Variants in AK9 observed in about 807,000 individuals in gnomAD.
The protein encoded by AK9 is adenylate kinase 9.
In AK9, 191 loss-of-function variants were observed where a neutral mutation model predicts 239.6. The observed-to-expected ratio is 0.80, with a 90% CI of 0.71 to 0.90. The LOEUF (loss-of-function observed/expected upper bound fraction) is 0.90, where lower values mean the gene tolerates loss of function less well. AK9 is among the 40% of genes least tolerant of loss of function. AK9 has a pLI of 0.00. For missense variants in AK9, 1,995 were observed against 2,214.7 expected, an observed-to-expected ratio of 0.90 and a Z score of 1.99; for synonymous variants, 689 against 721.0, an observed-to-expected ratio of 0.96 and a Z score of 0.71.
At chr6:109,633,138 G>C in intron 11 of AK9, 35 bp from the exon 12 acceptor site, 1 of 1,561,946 alleles carries the variant, frequency 6.4e-7, no homozygotes, top group Non-Finnish European at 8.6e-7. Context: ...CAACTGAAAA[G>C]ATGTATGAGG....
chr6:109,607,508 T>C (rs990037244), intron 17 of AK9, among the ~76,000 whole-genome samples: 1 of 152,160 alleles, frequency 6.6e-6, no homozygotes, highest in Non-Finnish European at 1.5e-5. Flanking sequence ...CTAAAAATGA[T>C]TTAAAGTATA....
At chr6:109,656,943 G>A in intron 7 of AK9, 59 bp from the exon 8 acceptor site, 1 of 1,582,606 alleles carries the variant, frequency 6.3e-7, no homozygotes, top group Non-Finnish European at 8.6e-7. Context: ...CAATTTACAA[G>A]CCATATTCCC....
At chr6:109,599,202 T>C (rs1463900624) in intron 17 of AK9, among the ~76,000 whole-genome samples, 5 of 152,214 alleles carry the variant, frequency 3.3e-5, no homozygotes, top group Non-Finnish European at 7.3e-5. Flanking sequence ...GTTTTTATGG[T>C]TTTAGGTCTA....
chr6:109,567,730 T>C (rs1395345554), intron 21 of AK9, among the ~76,000 whole-genome samples: 6 of 97,966 alleles, frequency 6.1e-5, no homozygotes, highest in East Asian at 3.4e-4. Flanking sequence ...CTGGGGCCTG[T>C]TGTGGGGTGG....
intron 13 of AK9, among the ~76,000 whole-genome samples, chr6:109,615,873 T>C (rs1201849485): frequency 6.6e-6 from 1 of 152,020 alleles, no homozygotes; most frequent in African/African-American, 2.4e-5. Flanking sequence ...CGCTCAACTA[T>C]AAACCAGTCA....
In AK9 at chr6:109,509,377, G is replaced by A. The variant is rs1385696916; in HGVS notation, c.4283C>T (p.Ala1428Val). The A allele has an allele frequency of 1.4e-5, 22 of 1,547,804 alleles. No homozygotes were observed. The highest frequency in any genetic ancestry group is 1.8e-5 in the Non-Finnish European group (21 of 1,145,894). ...CCCATATTCACTTGTAATTTTTTTGGCAACTGAAAAACATAAAACTTTTAA... is the reference window on the plus strand; with the variant it reads ...CCCATATTCACTTGTAATTTTTTTGACAACTGAAAAACATAAAACTTTTAA... ...GPPKSGKTTV[A>V]KKITSEYGLK... The change falls in exon 33 of 41, where the codon GCC becomes GTC. Residue 1428 changes from alanine (A) to valine (V), a missense_variant. Around this residue, in one of 5 missense-constraint regions of AK9, gnomAD observed 1,290 missense variants for 1,392.7 expected, o/e 0.93. Coordinates refer to ENST00000424296, the MANE Select transcript of AK9 (RefSeq NM_001145128.3).
chr6:109,630,875 A>C (rs1796028431), intron 12 of AK9, among the ~76,000 whole-genome samples: 1 of 152,038 alleles, frequency 6.6e-6, no homozygotes, highest in South Asian at 2.1e-4. Context: ...GAAATAGACC[A>C]CTGAGCCCCA....
Position 109,619,115 on chromosome 6 carries a change from C to T in AK9, c.1376G>A (p.Arg459Lys). 6.5e-7 allele frequency: 1 copy of T among 1,544,138 alleles called. No individual in the cohort carries two copies. Among genetic ancestry groups the T allele is most frequent in the African/African-American group, 1.4e-5 (1 of 72,510 alleles). ...ACCTTGTTTTCTAGCTTGCAGTTCCCTGAGAAGCTTTTCTTTCACAACTTT... is the reference window on the plus strand; with the variant it reads ...ACCTTGTTTTCTAGCTTGCAGTTCCTTGAGAAGCTTTTCTTTCACAACTTT... ...AIKVVKEKLLRELQARKQAET... is the reference protein window; with the variant it reads ...AIKVVKEKLLKELQARKQAET... The change falls in exon 13 of 41, where the codon AGG becomes AAG. Residue 459 changes from arginine to lysine, a missense_variant. Transcript: ENST00000424296.
intron 10 of AK9, among the ~76,000 whole-genome samples, chr6:109,639,005 T>C (rs1454911681): frequency 6.6e-6 from 1 of 152,180 alleles, no homozygotes; most frequent in African/African-American, 2.4e-5. Flanking sequence ...GGCTGCATAG[T>C]ATTCCATGGT....
intron 12 of AK9, among the ~76,000 whole-genome samples, chr6:109,622,986 T>C (rs1026670156): frequency 1.3e-5 from 2 of 152,110 alleles, no homozygotes; most frequent in Non-Finnish European, 2.9e-5. Context: ...TAGTAATCTT[T>C]TAACTGTTAC....
At chr6:109,547,477 A>C (rs112741832) in intron 25 of AK9, among the ~76,000 whole-genome samples, 34 of 152,300 alleles carry the variant, frequency 2.2e-4, no homozygotes, top group African/African-American at 7.9e-4. Flanking sequence ...GGTGCTGTGA[A>C]AGCTGGATAT....
intron 26 of AK9, 64 bp downstream of exon 26, chr6:109,545,803 A>G: frequency 1.2e-5 from 18 of 1,526,722 alleles, no homozygotes; most frequent in Non-Finnish European, 1.6e-5. Flanking sequence ...ACCCTGTCTC[A>G]AAAACAACAA....
chr6:109,583,744 A>T (rs1275223447), intron 19 of AK9, among the ~76,000 whole-genome samples: 2 of 152,108 alleles, frequency 1.3e-5, no homozygotes, highest in Admixed American at 1.3e-4. Context: ...GAATTGACAG[A>T]AAGTGGAGAA....
chr6:109,604,905 C>G (rs372473619), intron 17 of AK9, among the ~76,000 whole-genome samples: 31 of 152,046 alleles, frequency 2.0e-4, no homozygotes, highest in African/African-American at 7.0e-4. Context: ...ATCTTTATTT[C>G]AAACTTAGTT....
intron 24 of AK9, among the ~76,000 whole-genome samples, chr6:109,562,413 T>C (rs1785896655): frequency 6.6e-6 from 1 of 152,186 alleles, no homozygotes; most frequent in Admixed American, 6.5e-5. Context: ...ATAACAACTG[T>C]TTTACCGTCC....
chr6:109,647,507 G>C (rs1798237462), intron 8 of AK9, among the ~76,000 whole-genome samples: 2 of 152,160 alleles, frequency 1.3e-5, no homozygotes, highest in Admixed American at 6.5e-5. Flanking sequence ...ATTACATAAT[G>C]GTAAAGGGAT....
At chr6:109,517,160 G>C (rs949657457) in intron 29 of AK9, among the ~76,000 whole-genome samples, 1 of 151,926 alleles carries the variant, frequency 6.6e-6, no homozygotes, top group African/African-American at 2.4e-5. Context: ...TCTTTCAAAG[G>C]GTCTGTGGTT....
intron 17 of AK9, among the ~76,000 whole-genome samples, chr6:109,608,819 A>G (rs960542516): frequency 6.6e-6 from 1 of 152,208 alleles, no homozygotes; most frequent in African/African-American, 2.4e-5. Context: ...CTCAGAATAC[A>G]TAAACAACAC....
intron 21 of AK9, among the ~76,000 whole-genome samples, chr6:109,568,150 G>T (rs1027056569): frequency 6.6e-6 from 1 of 152,012 alleles, no homozygotes; most frequent in Non-Finnish European, 1.5e-5. Flanking sequence ...ACGTAATCCA[G>T]CATATAAACA....
Sources: gnomAD v4.1 joint callset for allele counts (sites outside exome capture counted in the v4.1 genomes callset) on GRCh38, gnomAD v4.1.1 for gene constraint, gnomAD v4.1.1 regional missense constraint, MANE v1.5 for transcripts, NCBI Gene and HGNC (gene_info 2026-07-23, HGNC 2026-07-21) for gene names.